SPOCK3: variants seen among roughly 807,000 people sequenced by gnomAD.
SPOCK3 encodes the protein testican-3.
SPOCK3 carries 30 observed loss-of-function variants against 56.6 expected under a neutral mutation model. The ratio of observed to expected loss-of-function variants is 0.53; its 90% CI spans 0.40 to 0.72. The LOEUF is 0.72. SPOCK3 is among the 30% of genes least tolerant of loss of function. The probability of loss-of-function intolerance (pLI) is 0.00; values close to 1 mark genes in which losing one functional copy is unlikely to be tolerated. For synonymous variants in SPOCK3, 196 were observed against 183.3 expected (o/e 1.07, Z -0.56); for missense variants, 527 against 530.0 (o/e 0.99, Z 0.06).
intron 2 of SPOCK3, among the ~76,000 whole-genome samples, chr4:167,146,092 C>T (rs969555082): frequency 2.6e-5 from 4 of 151,780 alleles, no homozygotes; most frequent in African/African-American, 4.8e-5. Flanking sequence ...TACACAGAGG[C>T]TCAAAATAAA....
intron 2 of SPOCK3, among the ~76,000 whole-genome samples, chr4:167,141,879 C>T (rs368721472): frequency 4.6e-5 from 7 of 151,766 alleles, no homozygotes; most frequent in Non-Finnish European, 7.4e-5. Flanking sequence ...AACTCTAAGA[C>T]AAAATATTGT....
chr4:166,808,589 GA>G (rs987159758), intron 6 of SPOCK3, among the ~76,000 whole-genome samples: 6 of 152,024 alleles, frequency 3.9e-5, no homozygotes, highest in African/African-American at 1.4e-4. Flanking sequence ...AGAACAATGA[GA>G]AAAGACACTT....
At chr4:167,067,458 T>C (rs1202614018) in intron 2 of SPOCK3, among the ~76,000 whole-genome samples, 1 of 151,822 alleles carries the variant, frequency 6.6e-6, no homozygotes, top group Non-Finnish European at 1.5e-5. Flanking sequence ...AAGTGATGAT[T>C]ATCAATGGTA....
At chr4:166,893,811 C>A (rs906034483) in intron 5 of SPOCK3, among the ~76,000 whole-genome samples, 5 of 152,036 alleles carry the variant, frequency 3.3e-5, no homozygotes, top group African/African-American at 1.2e-4. Context: ...TTTTAATGCT[C>A]TAAATAGCCA....
chr4:166,790,719 T>C (rs2126649743), intron 7 of SPOCK3, among the ~76,000 whole-genome samples: 1 of 152,332 alleles, frequency 6.6e-6, no homozygotes, highest in Non-Finnish European at 1.5e-5. Flanking sequence ...GCAAATGTTC[T>C]TCATTATCTA....
chr4:166,745,363 C>T (rs1025513354), intron 8 of SPOCK3, among the ~76,000 whole-genome samples: 1 of 152,164 alleles, frequency 6.6e-6, no homozygotes, highest in Non-Finnish European at 1.5e-5. Context: ...TATTTTCAAC[C>T]CAGTATTTCA....
chr4:166,920,541 A>G (rs930584358), intron 4 of SPOCK3, among the ~76,000 whole-genome samples: 2 of 152,218 alleles, frequency 1.3e-5, no homozygotes, highest in Non-Finnish European at 2.9e-5. Flanking sequence ...AACCTTAACT[A>G]GCTTACAGTG....
chr4:167,111,391 C>A (rs544691327), intron 2 of SPOCK3, among the ~76,000 whole-genome samples: 1 of 152,024 alleles, frequency 6.6e-6, no homozygotes, highest in East Asian at 1.9e-4. Context: ...CTAATCCCAG[C>A]CAAACAGAAT....
intron 3 of SPOCK3, among the ~76,000 whole-genome samples, chr4:167,036,720 T>A (rs1056832535): frequency 6.6e-6 from 1 of 152,192 alleles, no homozygotes; most frequent in African/African-American, 2.4e-5. Flanking sequence ...AGCAAAGTTA[T>A]AGCATCACAT....
At chr4:167,011,225 G>T in intron 3 of SPOCK3, 1 of 452,362 alleles carries the variant, frequency 2.2e-6, no homozygotes, top group South Asian at 1.6e-5. Context: ...AGCTTACCTG[G>T]CAAGTACTAA....
At chr4:166,891,869 T>G (rs1734825653) in intron 5 of SPOCK3, among the ~76,000 whole-genome samples, 1 of 152,008 alleles carries the variant, frequency 6.6e-6, no homozygotes, top group South Asian at 2.1e-4. Flanking sequence ...AAGTCAATAT[T>G]AATTATAGCT....
intron 2 of SPOCK3, among the ~76,000 whole-genome samples, chr4:167,139,720 A>C (rs1202971098): frequency 6.6e-6 from 1 of 152,020 alleles, no homozygotes; most frequent in Non-Finnish European, 1.5e-5. Context: ...TATTTCCCTG[A>C]ATTTCATTTT....
At chr4:167,080,571 C>T (rs1439435689) in intron 2 of SPOCK3, among the ~76,000 whole-genome samples, 1 of 151,910 alleles carries the variant, frequency 6.6e-6, no homozygotes, top group African/African-American at 2.4e-5. Flanking sequence ...GGAGTGACGT[C>T]TAAACAGAGT....
At chr4:167,193,992 T>A (rs1433777234) in intron 2 of SPOCK3, among the ~76,000 whole-genome samples, 1 of 152,220 alleles carries the variant, frequency 6.6e-6, no homozygotes, top group African/African-American at 2.4e-5. Context: ...AATTACATAA[T>A]GTGTATATTA....
At chr4:167,008,347 A>G (rs1311810028) in intron 3 of SPOCK3, among the ~76,000 whole-genome samples, 2 of 152,070 alleles carry the variant, frequency 1.3e-5, no homozygotes, top group African/African-American at 4.8e-5. Context: ...ATTAAGTCAT[A>G]TTAGGACATT....
rs1383542489 is a variant in SPOCK3, at chr4:167,191,127, C to T, written c.189+42858G>A. ...ATTCAGGGTCTTTTGTGGTTTCATA[C>T]ACAGTATAGGATTGTTTTTTTATTT... On this transcript the variant is annotated intron_variant, in intron 2 of 10. Transcript: ENST00000357545. 2.1e-5 allele frequency among the ~76,000 whole-genome samples: 3 copies of T among 145,640 alleles called. 1 individual carries two copies. The highest frequency in any genetic ancestry group is 7.8e-5 in the African/African-American group (3 of 38,240).
intron 3 of SPOCK3, chr4:167,011,156 G>A (rs1750011595): frequency 2.6e-6 from 1 of 389,790 alleles, no homozygotes; most frequent in Non-Finnish European, 5.2e-6. Context: ...GGGTTCTTGA[G>A]AGCTGCACCT....
At chr4:166,975,355 T>A (rs564383073) in intron 4 of SPOCK3, among the ~76,000 whole-genome samples, 11 of 152,236 alleles carry the variant, frequency 7.2e-5, no homozygotes, top group African/African-American at 2.2e-4. Context: ...TTTTAAAAAA[T>A]TTTTAATGTT....
At chr4:166,863,882 A>C (rs1380736098) in intron 6 of SPOCK3, among the ~76,000 whole-genome samples, 2 of 152,102 alleles carry the variant, frequency 1.3e-5, no homozygotes, top group Non-Finnish European at 2.9e-5. Flanking sequence ...TCAATGAGGC[A>C]GAAAATTAAG....
Sources: allele counts gnomAD v4.1 joint callset (sites outside exome capture counted in the v4.1 genomes callset), GRCh38; gene constraint gnomAD v4.1.1; transcripts MANE v1.5; gene names NCBI Gene and HGNC (gene_info 2026-07-23, HGNC 2026-07-21).